ANK3: variants seen among roughly 807,000 people sequenced by gnomAD.
ANK3 encodes ankyrin-3.
In ANK3, 57 loss-of-function variants were observed where a neutral mutation model predicts 370.9. That is an observed-to-expected ratio of 0.15 (90% confidence interval 0.12 to 0.19). ANK3 has a LOEUF of 0.19. Among genes scored for constraint, ANK3 ranks in the 10% least tolerant of loss-of-function variants. ANK3 has a pLI of 1.00. For synonymous variants in ANK3, 1,929 were observed against 1,946.3 expected, an observed-to-expected ratio of 0.99 and a Z score of 0.23; for missense variants, 4,439 against 5,302.1, an observed-to-expected ratio of 0.84 and a Z score of 5.06.
At chr10:60,406,319 C>T (rs2063455185) in intron 2 of ANK3, among the ~76,000 whole-genome samples, 1 of 152,086 alleles carries the variant, frequency 6.6e-6, no homozygotes, top group Non-Finnish European at 1.5e-5. Flanking sequence ...GTTTGCTGAC[C>T]CCTAGATCAG....
chr10:60,199,061 T>C (rs2096631797), intron 13 of ANK3, among the ~76,000 whole-genome samples: 1 of 152,120 alleles, frequency 6.6e-6, no homozygotes, highest in South Asian at 2.1e-4. Context: ...GCCCTCTGCT[T>C]GCCAGGCTGT....
chr10:60,309,688 T>C (rs1411570844), intron 1 of ANK3, among the ~76,000 whole-genome samples: 1 of 152,150 alleles, frequency 6.6e-6, no homozygotes, highest in Admixed American at 6.5e-5. Context: ...ATTAATATAC[T>C]CTGTTTAAAA....
At chr10:60,462,600 A>G (rs1595078475) in intron 2 of ANK3, among the ~76,000 whole-genome samples, 1 of 144,970 alleles carries the variant, frequency 6.9e-6, no homozygotes, top group African/African-American at 2.5e-5. Context: ...TTTTTTTTTT[A>G]AAGAGATGGG....
chr10:60,036,146 G>A (rs10761444), intron 43 of ANK3, among the ~76,000 whole-genome samples: 25,486 of 151,954 alleles, frequency 0.17, 2,521 homozygotes, highest in Admixed American at 0.24. Context: ...TAGGGCTACT[G>A]TGAAAAACAA....
intron 2 of ANK3, among the ~76,000 whole-genome samples, chr10:60,541,331 G>A (rs991060949): frequency 2.6e-4 from 39 of 151,802 alleles, no homozygotes; most frequent in South Asian, 2.1e-4. Flanking sequence ...CTTGCTAGTA[G>A]GCATCACTTT....
rs574361210 is a variant in ANK3 at position 60,172,469 on chromosome 10, A to G, written c.2383-66T>C. 3.5e-5 allele frequency: 46 copies of G among 1,305,112 alleles called. 1 individual carries two copies. Among genetic ancestry groups the G allele is most frequent in the East Asian group, 1.9e-4 (8 of 41,952 alleles). 80.8% of individuals were successfully genotyped at this position (1,305,112 alleles called of 1,614,324 possible). ...ATTCCACATTTTTTTTGCTGATACA[A>G]AATGTAAGGTGAGTGTCTCATCAGA... On this transcript the variant is annotated intron_variant, in intron 20 of 43. Transcript: ENST00000280772.
intron 1 of ANK3, among the ~76,000 whole-genome samples, chr10:60,628,752 A>C (rs2133337529): frequency 6.6e-6 from 1 of 152,358 alleles, no homozygotes; most frequent in Middle Eastern, 3.4e-3. Flanking sequence ...TTTAAAAAAA[A>C]TCGTTAATAT....
intron 24 of ANK3, among the ~76,000 whole-genome samples, chr10:60,134,711 T>A (rs1038077076): frequency 6.6e-6 from 1 of 152,202 alleles, no homozygotes; most frequent in Non-Finnish European, 1.5e-5. Flanking sequence ...GGATGAGATC[T>A]TATGTTAGAA....
chr10:60,412,501 G>A (rs1246488421), intron 2 of ANK3, among the ~76,000 whole-genome samples: 2 of 152,176 alleles, frequency 1.3e-5, no homozygotes, highest in Admixed American at 1.3e-4. Flanking sequence ...GCTTGCAGAT[G>A]AAGATTGCAG....
chr10:60,440,966 T>C (rs2064286799), intron 2 of ANK3, among the ~76,000 whole-genome samples: 1 of 152,200 alleles, frequency 6.6e-6, no homozygotes, highest in Admixed American at 6.5e-5. Context: ...GAGGAGCTTG[T>C]GGGACTTCTG....
At chr10:60,407,009 A>G (rs2063469691) in intron 2 of ANK3, among the ~76,000 whole-genome samples, 1 of 152,236 alleles carries the variant, frequency 6.6e-6, no homozygotes, top group African/African-American at 2.4e-5. Context: ...TAGTTGCACT[A>G]TAAATGGAAA....
At chr10:60,715,020 T>G (rs764479481) in intron 1 of ANK3, among the ~76,000 whole-genome samples, 6 of 152,204 alleles carry the variant, frequency 3.9e-5, no homozygotes, top group Non-Finnish European at 7.3e-5. Flanking sequence ...CTTCATCAAT[T>G]CTAACAAATG....
chr10:60,691,261 A>G (rs1365984365), intron 1 of ANK3, among the ~76,000 whole-genome samples: 1 of 152,176 alleles, frequency 6.6e-6, no homozygotes, highest in Non-Finnish European at 1.5e-5. Context: ...CATGCAGTAT[A>G]TCCAGGTAAC....
chr10:60,189,654 TTC>T (rs771466705), intron 16 of ANK3, among the ~76,000 whole-genome samples: 4 of 152,194 alleles, frequency 2.6e-5, no homozygotes, highest in Non-Finnish European at 5.9e-5. Context: ...GTAAAAATGA[TTC>T]TCACTTGCCA....
At chr10:60,315,856 T>C (rs2047299663) in intron 1 of ANK3, among the ~76,000 whole-genome samples, 1 of 152,156 alleles carries the variant, frequency 6.6e-6, no homozygotes, top group Admixed American at 6.5e-5. Flanking sequence ...ATTTTAAGTG[T>C]TCCAGCAAGA....
At chr10:60,169,413 C>T (rs998796041) in intron 21 of ANK3, among the ~76,000 whole-genome samples, 5 of 123,012 alleles carry the variant, frequency 4.1e-5, no homozygotes, top group East Asian at 2.4e-4. Flanking sequence ...GTATGTTTTA[C>T]GGAGGAAGAT....
intron 1 of ANK3, among the ~76,000 whole-genome samples, chr10:60,716,627 C>T (rs1004326968): frequency 3.9e-5 from 6 of 152,184 alleles, no homozygotes; most frequent in Non-Finnish European, 8.8e-5. Context: ...GATCCTCCCA[C>T]GTCAGCCTCC....
At chr10:60,176,759 CA>C (rs1012568488) in intron 18 of ANK3, among the ~76,000 whole-genome samples, 6 of 151,190 alleles carry the variant, frequency 4.0e-5, no homozygotes, top group African/African-American at 1.5e-4. Context: ...AACTTCGTCT[CA>C]AAAAATAAAT....
At chr10:60,292,991 G>A (rs1016107544) in intron 1 of ANK3, among the ~76,000 whole-genome samples, 3 of 152,164 alleles carry the variant, frequency 2.0e-5, no homozygotes, top group Non-Finnish European at 4.4e-5. Context: ...TTACAGGCAT[G>A]AGCCACCAAG....
Sources: allele counts gnomAD v4.1 joint callset (sites outside exome capture counted in the v4.1 genomes callset), GRCh38; gene constraint gnomAD v4.1.1; transcripts MANE v1.5; gene names NCBI Gene and HGNC (gene_info 2026-07-23, HGNC 2026-07-21).